Variants in VWDE observed in about 807,000 individuals in gnomAD.
The protein encoded by VWDE is von Willebrand factor D and EGF domains.
A neutral mutation model predicts 178.4 loss-of-function variants in VWDE; 207 were observed. The observed-to-expected ratio is 1.16, with a 90% CI of 1.04 to 1.30. The LOEUF is 1.30. Ranked by LOEUF, VWDE falls within the 50% of genes most tolerant of loss-of-function variation. The pLI is 0.00. For missense variants in VWDE, 2,287 were observed against 1,901.3 expected (o/e 1.20, Z -3.77); for synonymous variants, 738 against 651.4 (o/e 1.13, Z -2.02).
At chr7:12,346,009 G>C (rs1382692042) in intron 19 of VWDE, among the ~76,000 whole-genome samples, 1 of 152,054 alleles carries the variant, frequency 6.6e-6, no homozygotes, top group Non-Finnish European at 1.5e-5. Flanking sequence ...TTTATAAATA[G>C]TCTTCTCTAC....
chr7:12,403,413 G>A (rs1785004027), intron 1 of VWDE, among the ~76,000 whole-genome samples: 1 of 152,212 alleles, frequency 6.6e-6, no homozygotes, highest in South Asian at 2.1e-4. Flanking sequence ...AGAACCAAGG[G>A]TCGTAGAGTA....
At position 12,369,770 on chromosome 7, in the gene VWDE, C is replaced by T. The variant is rs1208139329; in HGVS notation, c.2536G>A (p.Asp846Asn). 6.4e-7 allele frequency: 1 copy of T among 1,551,478 alleles called. No individual in the cohort carries two copies. The highest frequency in any genetic ancestry group is 8.7e-7 in the Non-Finnish European group (1 of 1,146,924). Residue 846 changes from aspartate (D) to asparagine (N), a missense_variant, in exon 12 of 29, where the codon GAT (aspartate) becomes AAT (asparagine). Asp to Asn is a conservative substitution (Grantham distance 23). Coordinates refer to ENST00000275358, the MANE Select transcript of VWDE (RefSeq NM_001135924.3). ...CCTGCTTCTGCCCAACTAAGATCAT[C>T]TTTTAACAGAACATCCTTCACACAC... is the stretch of plus-strand genomic sequence containing the variant. ...EMCVKDVLLK[D>N]DLSWAEAGVA...
At chr7:12,375,866 T>C (rs2128557109) in intron 7 of VWDE, among the ~76,000 whole-genome samples, 1 of 151,916 alleles carries the variant, frequency 6.6e-6, no homozygotes, top group East Asian at 1.9e-4. Context: ...AAGGAAATGG[T>C]AACAAAAAAA....
intron 19 of VWDE, among the ~76,000 whole-genome samples, chr7:12,349,389 A>T (rs1474875242): frequency 1.3e-5 from 2 of 151,432 alleles, no homozygotes; most frequent in African/African-American, 2.4e-5. Context: ...AAATGAATTA[A>T]AAACTAAATG....
At chr7:12,377,170 G>C (rs573842648) in intron 7 of VWDE, among the ~76,000 whole-genome samples, 1 of 152,118 alleles carries the variant, frequency 6.6e-6, no homozygotes, top group East Asian at 1.9e-4. Flanking sequence ...GTTTGTCCTC[G>C]CATATTCTAT....
intron 10 of VWDE, 148 bp from the exon 11 acceptor site, chr7:12,371,012 T>C (rs1583318367): frequency 1.4e-6 from 1 of 696,734 alleles, no homozygotes; most frequent in East Asian, 3.1e-5. Flanking sequence ...ACTACAACTT[T>C]CCTCTTAACA....
chr7:12,375,120 T>C lies in VWDE; in HGVS notation c.1132A>G (p.Thr378Ala). 6.4e-7 allele frequency: 1 copy of C among 1,551,280 alleles called. No homozygotes were observed. Among genetic ancestry groups the C allele is most frequent in the Non-Finnish European group, 8.7e-7 (1 of 1,146,662 alleles). The change falls in exon 8 of 29, where the codon ACT (threonine) becomes GCT (alanine). Residue 378 changes from threonine (T) to alanine (A), a missense_variant. Thr to Ala is a moderately conservative substitution (Grantham distance 58, BLOSUM62 0). Transcript: ENST00000275358. The stretch of plus-strand genomic sequence containing the variant: ...TCTCGAGAAAAATCTGTGACAGCAG[T>C]GTAGTACACAAAAGTGTGGCTACAG... Reference protein sequence around the residue: ...GTCSHTFVYYTAVTDFSRDGD... With the variant: ...GTCSHTFVYYAAVTDFSRDGD...
At chr7:12,341,789 C>A (rs546120889) in intron 23 of VWDE, among the ~76,000 whole-genome samples, 27 of 152,208 alleles carry the variant, frequency 1.8e-4, no homozygotes, top group Admixed American at 1.6e-3. Flanking sequence ...TTTCTCTTCA[C>A]CACAAGGTAG....
chr7:12,356,266 G>C lies in VWDE; in HGVS notation c.3590C>G (p.Pro1197Arg). The C allele has an allele frequency of 6.4e-7, 1 of 1,551,444 alleles. No homozygotes were observed. Among genetic ancestry groups the C allele is most frequent in the Non-Finnish European group, 8.7e-7 (1 of 1,146,940 alleles). The change falls in exon 18 of 29, where the codon CCA becomes CGA. Residue 1197 changes from proline (P) to arginine (R), a missense_variant. Transcript: ENST00000275358. ...GACACACAGGTACACTCCACTCCCT[G>C]GAGAAAAGTTCCTATCAGATACACA... ...GSCVSDRNFS[P>R]GSGVYLCVCL...
chr7:12,332,647 C>A (rs939003651), intron 28 of VWDE, among the ~76,000 whole-genome samples: 1 of 152,094 alleles, frequency 6.6e-6, no homozygotes, highest in Admixed American at 6.6e-5. Context: ...CAAATAAGTA[C>A]TCAATAACTT....
rs1461226970 is a variant in VWDE at position 12,370,809 on chromosome 7, C to T, written c.1643G>A (p.Ser548Asn). ...IRADLGEWGM[S>N]LTIRAPSVDY... ...TACACTAGGGGCTCTGATCGTTAGA[C>T]TCATGCCCCATTCACCAAGATCAGC... The change falls in exon 11 of 29, where the codon AGT becomes AAT. Residue 548 changes from serine (S) to asparagine (N), a missense_variant. Transcript: ENST00000275358. The T allele has an allele frequency of 1.9e-6, 3 of 1,550,930 alleles. No individual in the cohort carries two copies.
At chr7:12,355,407 C>T (rs1272202962) in intron 18 of VWDE, among the ~76,000 whole-genome samples, 2 of 100,224 alleles carry the variant, frequency 2.0e-5, no homozygotes, top group East Asian at 5.9e-4. Flanking sequence ...CAGAGTGAAA[C>T]TCCGTCTCAA....
chr7:12,402,472 G>A (rs966176246), intron 1 of VWDE, among the ~76,000 whole-genome samples: 20 of 152,256 alleles, frequency 1.3e-4, no homozygotes, highest in Non-Finnish European at 2.4e-4. Flanking sequence ...CTGGTAATGG[G>A]TAATATTTGT....
intron 19 of VWDE, among the ~76,000 whole-genome samples, chr7:12,351,091 G>T (rs1461958019): frequency 6.6e-6 from 1 of 152,112 alleles, no homozygotes; most frequent in Admixed American, 6.6e-5. Flanking sequence ...CACAATAACA[G>T]TTGATGTTAC....
Position 12,342,085 on chromosome 7 carries a change from C to T in VWDE, c.4244G>A (p.Gly1415Asp), listed in dbSNP as rs1781363020. ...LTPDICQCKPGWYGPTCSTAL... is the reference protein window; with the variant it reads ...LTPDICQCKPDWYGPTCSTAL... ...TGTACTACAGGTGGGTCCATACCAG[C>T]CAGGTTTGCACTGGCAAATATCTGG... The change falls in exon 23 of 29, where the codon GGC becomes GAC. Residue 1415 changes from glycine (G) to aspartate (D), a missense_variant. Physicochemically the swap from Gly to Asp is moderately conservative, Grantham distance 94. Transcript: ENST00000275358. The T allele has an allele frequency of 6.4e-7, 1 of 1,551,106 alleles. No homozygotes were observed. The highest frequency in any genetic ancestry group is 1.4e-5 in the African/African-American group (1 of 72,788).
intron 17 of VWDE, 80 bp from the exon 18 acceptor site, chr7:12,356,410 A>G (rs577294814): frequency 1.9e-6 from 2 of 1,078,274 alleles, no homozygotes; most frequent in Non-Finnish European, 2.7e-6. Flanking sequence ...CATGACAGTC[A>G]TGTATGTTTA....
chr7:12,370,428 T>A lies in VWDE; in HGVS notation c.1878A>T (p.Ser626=). 2 of 1,545,518 alleles carry A rather than the reference T, an allele frequency of 1.3e-6. No individual in the cohort carries two copies. Among genetic ancestry groups the A allele is most frequent in the Non-Finnish European group, 1.7e-6 (2 of 1,146,752 alleles). ...SPGKPSYCSC[S]LDTAAYPSSE... ...AAGACGGATACGCTGCAGTGTCCAA[T>A]GAACAGCTACAATAGGATGGCTTTC... is the stretch of plus-strand genomic sequence containing the variant. The change falls in exon 12 of 29, where the codon TCA becomes TCT. Residue 626 remains serine, a synonymous_variant. Coordinates refer to ENST00000275358, the MANE Select transcript of VWDE (RefSeq NM_001135924.3).
At chr7:12,367,276 G>T in intron 13 of VWDE, 81 bp downstream of exon 13, 2 of 1,166,320 alleles carry the variant, frequency 1.7e-6, no homozygotes, top group African/African-American at 1.6e-5. Context: ...GTTGCTAATT[G>T]ATAGACCGAA....
In VWDE at chr7:12,342,003, A is replaced by G. The variant is rs77502177; in HGVS notation, c.4270+56T>C. The G allele has an allele frequency of 1.4e-3, 1,994 of 1,390,916 alleles. 39 individuals carry two copies. The African/African-American group carries it at 0.026, about 18-fold the overall frequency. The allele number at this position is 1,390,916 out of a possible 1,614,324, so 86.2% of individuals were successfully genotyped here. ...TTTCTTAGGTGCACGTCTTCAGGAC[A>G]TTGGCATATTTTAACTTTTAATTGA... On this transcript the variant is annotated intron_variant, in intron 23 of 28. Coordinates refer to ENST00000275358, the MANE Select transcript of VWDE (RefSeq NM_001135924.3).
Sources: allele counts gnomAD v4.1 joint callset (sites outside exome capture counted in the v4.1 genomes callset), GRCh38; gene constraint gnomAD v4.1.1; transcripts MANE v1.5; gene names NCBI Gene and HGNC (gene_info 2026-07-23, HGNC 2026-07-21).